The following PKNOX1 variants were observed in gnomAD, a reference collection of about 807,000 sequenced individuals.
The protein encoded by PKNOX1 is PBX/knotted 1 homeobox 1, also known as homeobox protein PKNOX1.
PKNOX1 carries 15 observed loss-of-function variants against 51.9 expected under a neutral mutation model. The observed-to-expected ratio is 0.29, with a 90% CI of 0.19 to 0.45. The LOEUF (loss-of-function observed/expected upper bound fraction) is 0.45, where lower values mean the gene tolerates loss of function less well. Ranked by LOEUF, PKNOX1 falls within the 20% of genes least tolerant of loss-of-function variation. The pLI is 1.00. For missense variants in PKNOX1, 462 were observed against 547.5 expected, an observed-to-expected ratio of 0.84 and a Z score of 1.56; for synonymous variants, 219 against 211.1, an observed-to-expected ratio of 1.04 and a Z score of -0.32.
intron 6 of PKNOX1, 117 bp downstream of exon 6, chr21:43,017,124 T>C: frequency 1.6e-6 from 1 of 634,082 alleles, no homozygotes; most frequent in Non-Finnish European, 2.8e-6. Flanking sequence ...AATATAGCAA[T>C]GTTAGAAGCT....
intron 4 of PKNOX1, among the ~76,000 whole-genome samples, chr21:43,012,770 G>C (rs234693): frequency 0.21 from 31,718 of 152,024 alleles, 3,660 homozygotes; most frequent in Non-Finnish European, 0.25. Context: ...CTGCCACAGA[G>C]CGAATCAGTG....
At chr21:42,998,252 A>T (rs908350174) in intron 1 of PKNOX1, among the ~76,000 whole-genome samples, 20 of 152,154 alleles carry the variant, frequency 1.3e-4, no homozygotes, top group African/African-American at 4.8e-4. Context: ...AAACCATCAG[A>T]TCTTGTGGGA....
intron 10 of PKNOX1, among the ~76,000 whole-genome samples, chr21:43,029,509 C>T (rs1321624240): frequency 6.9e-6 from 1 of 144,036 alleles, no homozygotes; most frequent in African/African-American, 2.6e-5. Flanking sequence ...CTCACTGAAA[C>T]CTCTGCCTAC....
At chr21:42,999,168 C>T (rs1013713991) in intron 1 of PKNOX1, among the ~76,000 whole-genome samples, 1 of 152,256 alleles carries the variant, frequency 6.6e-6, no homozygotes, top group African/African-American at 2.4e-5. Flanking sequence ...GTGGAAGCTG[C>T]CAAGGCTTGA....
At chr21:42,978,623 AC>A (rs2059010827) in intron 1 of PKNOX1, among the ~76,000 whole-genome samples, 1 of 151,386 alleles carries the variant, frequency 6.6e-6, no homozygotes, top group South Asian at 2.1e-4. Context: ...AGTTGGGACT[AC>A]AGACGTGAGC....
intron 2 of PKNOX1, 31 bp from the exon 3 acceptor site, chr21:43,007,460 G>T (rs752054879): frequency 6.2e-7 from 1 of 1,610,028 alleles, no homozygotes; most frequent in Non-Finnish European, 8.5e-7. Flanking sequence ...GTTTGTGTTT[G>T]CTAATAAGAA....
At position 43,007,556 on chromosome 21, in the gene PKNOX1, A is replaced by C. The variant is rs778776725; in HGVS notation, c.117A>C (p.Gly39=). ...ACTGCTCTGAACCCGATGCAGAAGG[A>C]GTGAGCCCTCCCCCTGTGGAGTCTC... ...DPNCSEPDAE[G]VSPPPVESQT... Residue 39 remains glycine (G), a synonymous_variant, in exon 3 of 11, where the codon GGA becomes GGC. Transcript: ENST00000291547. 3.7e-5 allele frequency: 60 copies of C among 1,614,156 alleles called. 1 individual carries two copies. The South Asian group carries it at 6.6e-4, about 18-fold the overall frequency.
intron 5 of PKNOX1, among the ~76,000 whole-genome samples, chr21:43,016,510 C>A (rs141999157): frequency 6.6e-6 from 1 of 152,172 alleles, no homozygotes; most frequent in African/African-American, 2.4e-5. Context: ...CTCTTGAATG[C>A]TCTTATCGGT....
At position 43,033,459 on chromosome 21, in the gene PKNOX1, C is replaced by T. The variant is rs139203375; in HGVS notation, c.*3358C>T. 1.3e-5 allele frequency: 2 copies of T among 152,720 alleles called. No individual in the cohort carries two copies. The highest frequency in any genetic ancestry group is 3.9e-4 in the East Asian group (2 of 5,188). 9.5% of individuals were successfully genotyped at this position (152,720 alleles called of 1,614,324 possible). A position where few individuals can be genotyped will look rare whatever the true frequency, so the allele number is the denominator to read the frequency against. On this transcript the variant is annotated 3_prime_UTR_variant, in exon 11 of 11. Coordinates refer to ENST00000291547, the MANE Select transcript of PKNOX1 (RefSeq NM_004571.5). ...TTCTAGTTATATTCGGTCTTTGAAA[C>T]TGACAATCTTTGAAATGTGAATACT...
chr21:43,007,188 C>G (rs907593621), intron 2 of PKNOX1, among the ~76,000 whole-genome samples: 1 of 152,194 alleles, frequency 6.6e-6, no homozygotes, highest in Non-Finnish European at 1.5e-5. Context: ...GGAGATATAG[C>G]AATAGACGGA....
At chr21:43,002,786 G>A (rs1568895304) in intron 1 of PKNOX1, among the ~76,000 whole-genome samples, 2 of 152,162 alleles carry the variant, frequency 1.3e-5, no homozygotes, top group Non-Finnish European at 1.5e-5. Flanking sequence ...GCACGATCTT[G>A]GCTCACTGCA....
At position 43,029,893 on chromosome 21, in the gene PKNOX1, C is replaced by G. The variant is rs768647919; in HGVS notation, c.1103C>G (p.Ala368Gly). The G allele has an allele frequency of 3.1e-6, 5 of 1,612,290 alleles. No individual in the cohort carries two copies. Among genetic ancestry groups the G allele is most frequent in the Non-Finnish European group, 4.2e-6 (5 of 1,178,570 alleles). ...PPSELTMSEG[A>G]VVTITTPVNM... ...ACACACCTTCATCCTGCCGCAGGAG[C>G]TGTTGTCACCATCACCACGCCCGTG... Residue 368 changes from alanine to glycine, a missense_variant, in exon 11 of 11, where the codon GCT becomes GGT. Physicochemically the swap from Ala to Gly is moderately conservative, Grantham distance 60. Transcript: ENST00000291547.
chr21:43,032,327 C>CTCCGTCTCTTCGTCCCTCACCACCA lies in PKNOX1; in HGVS notation c.*2238_*2239insTCCCTCACCACCATCCGTCTCTTCG. 2.4e-6 allele frequency: 1 copy of CTCCGTCTCTTCGTCCCTCACCACCA among 411,766 alleles called. No homozygotes were observed. 25.5% of individuals were successfully genotyped at this position (411,766 alleles called of 1,614,324 possible). A position where few individuals can be genotyped will look rare whatever the true frequency, so the allele number is the denominator to read the frequency against. ...AGCCCTTCCTCCTTCCCTCACCACC[C>CTCCGTCTCTTCGTCCCTCACCACCA]TCCGTCTCTTCGGCTGCTTGCTCTT... is the stretch of plus-strand genomic sequence containing the variant. On this transcript the variant is annotated 3_prime_UTR_variant, in exon 11 of 11. Coordinates refer to ENST00000291547, the MANE Select transcript of PKNOX1 (RefSeq NM_004571.5).
intron 1 of PKNOX1, among the ~76,000 whole-genome samples, chr21:42,990,858 A>G (rs1219526926): frequency 6.6e-6 from 1 of 152,124 alleles, no homozygotes; most frequent in African/African-American, 2.4e-5. Context: ...GTCTGTTCAG[A>G]TTTCTCTCTG....
At chr21:43,013,790 G>C (rs1009042724) in intron 5 of PKNOX1, among the ~76,000 whole-genome samples, 47 of 152,094 alleles carry the variant, frequency 3.1e-4, no homozygotes, top group Non-Finnish European at 4.4e-4. Context: ...AAGCGGAATC[G>C]TACAGTGTTT....
rs534164376 is a variant in PKNOX1, at chr21:43,021,022, T to C, written c.721-281T>C. On this transcript the variant is annotated intron_variant, in intron 7 of 10. Coordinates refer to ENST00000291547, the MANE Select transcript of PKNOX1 (RefSeq NM_004571.5). This position sits in a 1 kb window ranked among gnomAD's most constrained non-coding sequence, Gnocchi z 4.6. ...TACCCAGGAGGCTGAGCTGGAAGAA[T>C]CACTTGAGCCCAGGAGTTCAAGGCT... The C allele has an allele frequency of 3.0e-5, 6 of 200,898 alleles. No homozygotes were observed. The highest frequency in any genetic ancestry group is 6.2e-5 in the Non-Finnish European group (6 of 97,472). 12.4% of individuals were successfully genotyped at this position (200,898 alleles called of 1,614,324 possible).
chr21:43,029,915 C>A lies in PKNOX1; in HGVS notation c.1125C>A (p.Pro375=), dbSNP rs545506493. The change falls in exon 11 of 11, where the codon CCC becomes CCA. Residue 375 remains proline (P), a synonymous_variant. Transcript: ENST00000291547. ...SEGAVVTITT[P]VNMNVDSLQS... ...GAGCTGTTGTCACCATCACCACGCC[C>A]GTGAACATGAACGTGGACAGCCTTC... The A allele has an allele frequency of 1.7e-5, 28 of 1,614,104 alleles. No individual in the cohort carries two copies. The South Asian group carries it at 2.6e-4, about 15-fold the overall frequency.
intron 1 of PKNOX1, among the ~76,000 whole-genome samples, chr21:42,996,407 C>T (rs1263490121): frequency 1.3e-5 from 2 of 151,556 alleles, no homozygotes; most frequent in African/African-American, 2.4e-5. Flanking sequence ...CCGCTAGCAT[C>T]ACTCCTCTGG....
chr21:43,020,424 T>C (rs1280943229), intron 7 of PKNOX1: 4 of 152,286 alleles, frequency 2.6e-5, no homozygotes, highest in Non-Finnish European at 5.9e-5. Context: ...CACGGCCTTG[T>C]AACGAGCAGA....
Sources: allele counts gnomAD v4.1 joint callset (sites outside exome capture counted in the v4.1 genomes callset), GRCh38; gene constraint gnomAD v4.1.1; non-coding constraint Gnocchi (gnomAD v3.1); transcripts MANE v1.5; gene names NCBI Gene and HGNC (gene_info 2026-07-23, HGNC 2026-07-21).